Variants in GRIA3 observed in about 807,000 individuals in gnomAD.
GRIA3 encodes the protein glutamate ionotropic receptor AMPA type subunit 3.
A neutral mutation model predicts 63.0 loss-of-function variants in GRIA3; 3 were observed. The ratio of observed to expected loss-of-function variants is 0.05; its 90% CI spans 0.02 to 0.12. The LOEUF is 0.12. Ranked by LOEUF, GRIA3 falls within the 10% of genes least tolerant of loss-of-function variation. The probability of loss-of-function intolerance (pLI) is 1.00; values close to 1 mark genes in which losing one functional copy is unlikely to be tolerated. For missense variants in GRIA3, 347 were observed against 700.9 expected, an observed-to-expected ratio of 0.50 and a Z score of 5.70; for synonymous variants, 274 against 257.9, an observed-to-expected ratio of 1.06 and a Z score of -0.60.
At chrX:123,401,598 G>T (rs1012673609) in intron 7 of GRIA3, among the ~76,000 whole-genome samples, 1 of 112,120 alleles carries the variant, frequency 8.9e-6, no homozygotes, top group Non-Finnish European at 1.9e-5. Context: ...TGTTGGATCA[G>T]TTGGACAATC....
chrX:123,428,623 T>C (rs1300880113), intron 12 of GRIA3, among the ~76,000 whole-genome samples: 1 of 112,208 alleles, frequency 8.9e-6, no homozygotes, highest in Non-Finnish European at 1.9e-5. Flanking sequence ...TAGTTGTCTA[T>C]TGAGATGTAT....
chrX:123,456,719 A>G (rs757466431), intron 12 of GRIA3, among the ~76,000 whole-genome samples: 1 of 111,981 alleles, frequency 8.9e-6, no homozygotes, highest in East Asian at 2.8e-4. Context: ...GAGCTGTGGC[A>G]TCATTGGCCT....
Position 123,316,383 on chromosome X carries a change from T to G in GRIA3, c.509-9643T>G, listed in dbSNP as rs761689394. ...CCTACCAAATGGGCAAATATATTGT[T>G]CAGTGCTGGCAAGGGGACAGAGAGA... is the stretch of plus-strand genomic sequence containing the variant. On this transcript the variant is annotated intron_variant, in intron 3 of 15. Coordinates refer to ENST00000620443, the MANE Select transcript of GRIA3 (RefSeq NM_007325.5). Among the ~76,000 whole-genome samples the G allele has an allele frequency of 3.6e-5, 4 of 112,288 alleles. No individual in the cohort carries two copies. In the South Asian group the frequency reaches 1.5e-3, roughly 42 times the overall value.
intron 2 of GRIA3, among the ~76,000 whole-genome samples, chrX:123,210,543 G>A (rs1233492425): frequency 9.0e-6 from 1 of 111,003 alleles, no homozygotes; most frequent in Non-Finnish European, 1.9e-5. Flanking sequence ...TCTCCTTTCT[G>A]GGCATGAGTT....
At chrX:123,242,523 A>C (rs1204340391) in intron 2 of GRIA3, among the ~76,000 whole-genome samples, 1 of 112,153 alleles carries the variant, frequency 8.9e-6, no homozygotes, top group Non-Finnish European at 1.9e-5. Flanking sequence ...GTTGCAAGTC[A>C]AGACAAGCCC....
chrX:123,468,320 A>G (rs1164384726), intron 13 of GRIA3, among the ~76,000 whole-genome samples: 1 of 111,612 alleles, frequency 9.0e-6, no homozygotes. Context: ...GGAGGTAGAA[A>G]TAGCAGTAAA....
intron 3 of GRIA3, among the ~76,000 whole-genome samples, chrX:123,271,062 C>A (rs2044518460): frequency 9.0e-6 from 1 of 111,619 alleles, no homozygotes; most frequent in Non-Finnish European, 1.9e-5. Context: ...TCTCACTGAC[C>A]CCATAATTTC....
intron 2 of GRIA3, among the ~76,000 whole-genome samples, chrX:123,217,866 C>A (rs1928197988): frequency 8.9e-6 from 1 of 112,165 alleles, no homozygotes; most frequent in African/African-American, 3.2e-5. Context: ...TGGCCAAAAG[C>A]CTAAAAACAA....
At chrX:123,194,124 G>A (rs1438784153) in intron 2 of GRIA3, among the ~76,000 whole-genome samples, 3 of 111,129 alleles carry the variant, frequency 2.7e-5, no homozygotes, top group African/African-American at 9.8e-5. Flanking sequence ...TGGGCCTGCT[G>A]CCTGTTCTGT....
chrX:123,418,534 T>C (rs1424668074), intron 11 of GRIA3, among the ~76,000 whole-genome samples: 1 of 112,007 alleles, frequency 8.9e-6, no homozygotes, highest in African/African-American at 3.2e-5. Context: ...CCAGAATATA[T>C]AACACCTCTT....
chrX:123,222,067 G>A (rs1603033248), intron 2 of GRIA3, among the ~76,000 whole-genome samples: 1 of 111,499 alleles, frequency 9.0e-6, no homozygotes, highest in East Asian at 2.8e-4. Flanking sequence ...AATAAGGGGA[G>A]ACTATGTGAC....
intron 3 of GRIA3, among the ~76,000 whole-genome samples, chrX:123,259,007 C>A (rs373451117): frequency 1.2e-4 from 14 of 112,064 alleles, no homozygotes; most frequent in African/African-American, 4.2e-4. Flanking sequence ...GAGAAGTTGA[C>A]AATACTGTTG....
chrX:123,197,010 A>G (rs1326242319), intron 2 of GRIA3, among the ~76,000 whole-genome samples: 2 of 112,262 alleles, frequency 1.8e-5, no homozygotes, highest in African/African-American at 6.5e-5. Context: ...CATTTGAGAT[A>G]TCATGTTTCT....
At chrX:123,243,165 A>G (rs925653949) in intron 2 of GRIA3, among the ~76,000 whole-genome samples, 22 of 112,025 alleles carry the variant, frequency 2.0e-4, no homozygotes, top group African/African-American at 4.9e-4. Context: ...CACCTAGACT[A>G]TAGTAATAAC....
Position 123,208,354 on chromosome X carries a change from A to G in GRIA3, c.268+22364A>G, listed in dbSNP as rs769196088. The stretch of plus-strand genomic sequence containing the variant: ...ACCATGCCTTCTCTGGGTTTCAGTT[A>G]GATCTTTTGTAAAATGAAAAGATCC... On this transcript the variant is annotated intron_variant, in intron 2 of 15. Transcript: ENST00000620443. Among the ~76,000 whole-genome samples, 4 of 112,581 alleles carry G rather than the reference A, an allele frequency of 3.6e-5. No individual in the cohort carries two copies. In the East Asian group the frequency reaches 1.1e-3, roughly 32 times the overall value.
chrX:123,458,771 G>A (rs2045776554), intron 12 of GRIA3, among the ~76,000 whole-genome samples: 1 of 111,524 alleles, frequency 9.0e-6, no homozygotes, highest in Non-Finnish European at 1.9e-5. Context: ...AATGTAAAAG[G>A]AAAAGTTGCC....
chrX:123,300,234 G>T (rs1244616550), intron 3 of GRIA3, among the ~76,000 whole-genome samples: 1 of 110,255 alleles, frequency 9.1e-6, no homozygotes, highest in African/African-American at 3.3e-5. Context: ...GATGATGCTG[G>T]CCTCATAGAA....
chrX:123,252,052 G>A (rs1259719027), intron 2 of GRIA3, among the ~76,000 whole-genome samples: 1 of 111,405 alleles, frequency 9.0e-6, no homozygotes, highest in Non-Finnish European at 1.9e-5. Context: ...CTTTATTTTT[G>A]GTGCTCAACG....
intron 3 of GRIA3, among the ~76,000 whole-genome samples, chrX:123,281,797 G>A (rs1603066776): frequency 8.9e-6 from 1 of 111,841 alleles, no homozygotes; most frequent in Non-Finnish European, 1.9e-5. Flanking sequence ...GAAAATGAAG[G>A]AATTAAGACA....
Sources: allele counts gnomAD v4.1 joint callset (sites outside exome capture counted in the v4.1 genomes callset), GRCh38; gene constraint gnomAD v4.1.1; transcripts MANE v1.5; gene names NCBI Gene and HGNC (gene_info 2026-07-23, HGNC 2026-07-21).